Variants in PCDHGA2 observed in about 807,000 individuals in gnomAD.
The protein encoded by PCDHGA2 is protocadherin gamma subfamily A, 2.
PCDHGA2 carries 40 observed loss-of-function variants against 59.2 expected under a neutral mutation model. The ratio of observed to expected loss-of-function variants is 0.68; its 90% confidence interval spans 0.52 to 0.88. PCDHGA2 has a LOEUF of 0.88. Ranked by LOEUF, PCDHGA2 falls within the 40% of genes least tolerant of loss-of-function variation. The pLI is 0.00. For missense variants in PCDHGA2, 1,226 were observed against 1,204.0 expected, an observed-to-expected ratio of 1.02 and a Z score of -0.27; for synonymous variants, 560 against 526.0, an observed-to-expected ratio of 1.06 and a Z score of -0.89.
In PCDHGA2 at chr5:141,485,423, C is replaced by A; in HGVS notation, c.2425-9384C>A. On this transcript the variant is annotated intron_variant, in intron 1 of 3. Transcript: ENST00000394576. This position sits in a 1 kb window ranked among gnomAD's most constrained non-coding sequence, Gnocchi z 5.7. Reference sequence around the variant, plus strand: ...CCGTGTGGATTTGGACAGCGGAGCCCTGCTCATCAAGAACCCAATCGACCG... The same window carrying A: ...CCGTGTGGATTTGGACAGCGGAGCCATGCTCATCAAGAACCCAATCGACCG... 1 of 1,614,204 alleles carries A rather than the reference C, an allele frequency of 6.2e-7. No homozygotes were observed. The highest frequency in any genetic ancestry group is 8.5e-7 in the Non-Finnish European group (1 of 1,180,036).
intron 1 of PCDHGA2, chr5:141,479,196 C>T (rs2099489838): frequency 2.0e-5 from 3 of 152,432 alleles, no homozygotes; most frequent in African/African-American, 7.2e-5. Context: ...TCAGAAAATA[C>T]AGAAAAGTAT....
At chr5:141,498,958 A>T (rs1200201746) in intron 2 of PCDHGA2, among the ~76,000 whole-genome samples, 2 of 123,248 alleles carry the variant, frequency 1.6e-5, no homozygotes, top group Admixed American at 1.8e-4. Flanking sequence ...AAAGAGAGAG[A>T]GGGAGGGAGG....
In PCDHGA2 at chr5:141,394,984, T is replaced by C. The variant is rs777878747; in HGVS notation, c.2424+53589T>C. On this transcript the variant is annotated intron_variant, in intron 1 of 3. Transcript: ENST00000394576. ...CTGAGGCGCTGGCACAAGTCACGCC[T>C]GCTCCAGGATTCCGGTGGCAGATTG... 5 of 1,614,026 alleles carry C rather than the reference T, an allele frequency of 3.1e-6. 1 individual carries two copies. In the South Asian group the frequency reaches 4.4e-5, roughly 14 times the overall value.
In PCDHGA2 at chr5:141,409,272, T is replaced by G. The variant is rs2095250021; in HGVS notation, c.2424+67877T>G. ...ATCACTTCTCTCTCTGATCAGATTT[T>G]GGAGAATTCACCTCCAGGAATGGTT... On this transcript the variant is annotated intron_variant, in intron 1 of 3. Coordinates refer to ENST00000394576, the MANE Select transcript of PCDHGA2 (RefSeq NM_018915.4). 5 of 1,614,042 alleles carry G rather than the reference T, an allele frequency of 3.1e-6. No individual in the cohort carries two copies. In the South Asian group the frequency reaches 4.4e-5, roughly 14 times the overall value.
chr5:141,381,798 C>CTCTTTCTTTCTTTCTTTCTT (rs372235829), intron 1 of PCDHGA2, among the ~76,000 whole-genome samples: 32 of 144,170 alleles, frequency 2.2e-4, no homozygotes, highest in African/African-American at 7.7e-4. Flanking sequence ...AGGCAATTCC[C>CTCTTTCTTTCTTTCTTTCTT]TCTTTCTTTC....
At chr5:141,453,331 C>G (rs1224258701) in intron 1 of PCDHGA2, among the ~76,000 whole-genome samples, 1 of 151,962 alleles carries the variant, frequency 6.6e-6, no homozygotes, top group East Asian at 1.9e-4. Flanking sequence ...TGGGGTCTCA[C>G]TATGTTTCCC....
In PCDHGA2 at chr5:141,339,689, C is replaced by T. The variant is rs1271385455; in HGVS notation, c.718C>T (p.Pro240Ser). The T allele has an allele frequency of 1.2e-6, 2 of 1,614,070 alleles. No homozygotes were observed. Among genetic ancestry groups the T allele is most frequent in the African/African-American group, 1.3e-5 (1 of 74,914 alleles). Residue 240 changes from proline to serine, a missense_variant, in exon 1 of 4, where the codon CCT becomes TCT. By Grantham distance (74) the Pro-to-Ser change is moderately conservative (BLOSUM62 -1). Coordinates refer to ENST00000394576, the MANE Select transcript of PCDHGA2 (RefSeq NM_018915.4). Reference protein sequence around the residue: ...VKVLDANDNAPVFTQPEYRIS... With the variant: ...VKVLDANDNASVFTQPEYRIS... ...GGTCCTGGATGCGAACGACAATGCG[C>T]CTGTTTTTACACAGCCCGAGTACCG...
At chr5:141,362,063 T>C (rs1762309054) in intron 1 of PCDHGA2, 1 of 1,612,272 alleles carries the variant, frequency 6.2e-7, no homozygotes, top group Non-Finnish European at 8.5e-7. Context: ...CAGCGCCTGC[T>C]GGTCGCTGTG....
intron 1 of PCDHGA2, chr5:141,420,546 G>T: frequency 3.5e-6 from 1 of 284,254 alleles, no homozygotes; most frequent in Admixed American, 5.0e-5. Flanking sequence ...ATAAAATACA[G>T]GTATATTTTT....
At chr5:141,383,396 C>G (rs749879106) in intron 1 of PCDHGA2, 3 of 1,614,028 alleles carry the variant, frequency 1.9e-6, no homozygotes, top group Non-Finnish European at 2.5e-6. Context: ...GGCACGAACT[C>G]CCTCCAGAGT....
rs1439795137 is a variant in PCDHGA2 at position 141,375,822 on chromosome 5, G to A, written c.2424+34427G>A. On this transcript the variant is annotated intron_variant, in intron 1 of 3. Coordinates refer to ENST00000394576, the MANE Select transcript of PCDHGA2 (RefSeq NM_018915.4). ...TCCACTGGCGTGGAGCTGGCGCCCC[G>A]CTCCGCAGAGCCCGGCTACCTGGTG... The A allele has an allele frequency of 3.1e-6, 5 of 1,614,024 alleles. No homozygotes were observed. The Admixed American group carries it at 6.7e-5, about 22-fold the overall frequency.
intron 1 of PCDHGA2, among the ~76,000 whole-genome samples, chr5:141,358,789 G>A (rs1467414282): frequency 1.3e-5 from 2 of 152,156 alleles, no homozygotes; most frequent in Non-Finnish European, 2.9e-5. Flanking sequence ...AGTTACTTGG[G>A]TTCTGGACTG....
intron 1 of PCDHGA2, chr5:141,365,775 G>A: frequency 1.9e-6 from 3 of 1,613,864 alleles, no homozygotes; most frequent in Non-Finnish European, 2.5e-6. Context: ...CCCGACAGCG[G>A]CGACAACGCT....
At chr5:141,403,425 T>C in intron 1 of PCDHGA2, 1 of 1,614,040 alleles carries the variant, frequency 6.2e-7, no homozygotes, top group South Asian at 1.1e-5. Context: ...CCAGAAGCTA[T>C]TGATCCGGAT....
At chr5:141,356,354 CT>C (rs1760202379) in intron 1 of PCDHGA2, 1 of 1,556,448 alleles carries the variant, frequency 6.4e-7, no homozygotes, top group Admixed American at 1.9e-5. Context: ...GTCACATGTT[CT>C]ATTCCAGATA....
At position 141,486,994 on chromosome 5, in the gene PCDHGA2, C is replaced by G. The variant is rs779792543; in HGVS notation, c.2425-7813C>G. ...ATTCAGGTTACAATGCTTGGGTTTC[C>G]TATCAGCTCCTGGAGGCCCCAGATC... On this transcript the variant is annotated intron_variant, in intron 1 of 3. Coordinates refer to ENST00000394576, the MANE Select transcript of PCDHGA2 (RefSeq NM_018915.4). The surrounding 1 kb of genome is among the most constrained non-coding windows in gnomAD (Gnocchi z 5.0). 3 of 1,614,214 alleles carry G rather than the reference C, an allele frequency of 1.9e-6. No individual in the cohort carries two copies. Among genetic ancestry groups the G allele is most frequent in the Admixed American group, 1.7e-5 (1 of 60,030 alleles).
At chr5:141,438,997 C>T (rs2098080665) in intron 1 of PCDHGA2, among the ~76,000 whole-genome samples, 1 of 151,716 alleles carries the variant, frequency 6.6e-6, no homozygotes, top group Admixed American at 6.6e-5. Flanking sequence ...AGGCTAAGGA[C>T]CTGGTTTGTT....
At chr5:141,364,936 C>T in intron 1 of PCDHGA2, 1 of 1,613,878 alleles carries the variant, frequency 6.2e-7, no homozygotes, top group South Asian at 1.1e-5. Flanking sequence ...CCCTAGACCG[C>T]GAGAAAGAGA....
At chr5:141,505,650 T>C (rs1595974645) in intron 3 of PCDHGA2, among the ~76,000 whole-genome samples, 169 bp downstream of exon 3, 1 of 152,094 alleles carries the variant, frequency 6.6e-6, no homozygotes, top group East Asian at 1.9e-4. Flanking sequence ...GAATTGTGGC[T>C]AAGGAACAGC....
Sources: allele counts gnomAD v4.1 joint callset (sites outside exome capture counted in the v4.1 genomes callset), GRCh38; gene constraint gnomAD v4.1.1; non-coding constraint Gnocchi (gnomAD v3.1); transcripts MANE v1.5; gene names NCBI Gene and HGNC (gene_info 2026-07-23, HGNC 2026-07-21).